STPG2: variants seen among roughly 807,000 people sequenced by gnomAD.
STPG2 encodes sperm tail PG-rich repeat containing 2, also known as sperm-tail PG-rich repeat-containing protein 2.
STPG2 carries 56 observed loss-of-function variants against 54.2 expected under a neutral mutation model. That is an observed-to-expected ratio of 1.03 (90% CI 0.83 to 1.29). The LOEUF is 1.29. Among genes scored for constraint, STPG2 ranks in the 50% most tolerant of loss-of-function variants. STPG2 has a pLI of 0.00. For missense variants in STPG2, 596 were observed against 544.9 expected (o/e 1.09, Z -0.93); for synonymous variants, 200 against 181.8 (o/e 1.10, Z -0.81).
intron 7 of STPG2, among the ~76,000 whole-genome samples, chr4:97,954,013 T>C (rs1733572797): frequency 6.6e-6 from 1 of 152,210 alleles, no homozygotes; most frequent in African/African-American, 2.4e-5. Flanking sequence ...ATATATATGG[T>C]ACTAGAAATT....
At chr4:97,848,445 C>G (rs1197943330) in intron 8 of STPG2, among the ~76,000 whole-genome samples, 3 of 152,052 alleles carry the variant, frequency 2.0e-5, no homozygotes, top group Non-Finnish European at 2.9e-5. Flanking sequence ...TTCCACTATT[C>G]TCTCAAATTA....
chr4:97,937,783 G>A (rs1732801195), intron 8 of STPG2, among the ~76,000 whole-genome samples: 1 of 152,124 alleles, frequency 6.6e-6, no homozygotes, highest in Non-Finnish European at 1.5e-5. Context: ...TGACCTCGAG[G>A]GGCACCAACC....
At chr4:97,981,909 G>A (rs1734692927) in intron 5 of STPG2, among the ~76,000 whole-genome samples, 1 of 147,872 alleles carries the variant, frequency 6.8e-6, no homozygotes, top group African/African-American at 2.5e-5. Context: ...TTTTGAGACG[G>A]AGTCTCGCTC....
intron 8 of STPG2, among the ~76,000 whole-genome samples, chr4:97,869,420 G>T (rs1356981085): frequency 6.6e-6 from 1 of 151,524 alleles, no homozygotes; most frequent in Non-Finnish European, 1.5e-5. Flanking sequence ...ATACAAGAAG[G>T]TAAATATTTT....
intron 9 of STPG2, among the ~76,000 whole-genome samples, chr4:97,833,329 TC>T (rs1728527848): frequency 6.6e-6 from 1 of 152,172 alleles, no homozygotes; most frequent in Non-Finnish European, 1.5e-5. Context: ...CTGGATATCT[TC>T]CTTATACCTT....
intron 4 of STPG2, among the ~76,000 whole-genome samples, chr4:97,527,821 C>A (rs1392251748): frequency 1.3e-5 from 2 of 152,040 alleles, no homozygotes; most frequent in Non-Finnish European, 2.9e-5. Flanking sequence ...CTGTTCATAT[C>A]CTTCGCCCAC....
chr4:97,657,502 T>G (rs549475502), intron 10 of STPG2, among the ~76,000 whole-genome samples: 23 of 152,242 alleles, frequency 1.5e-4, no homozygotes, highest in Middle Eastern at 3.4e-3. Flanking sequence ...TTTAAAATAT[T>G]TAGAAAGAAG....
chr4:97,823,390 G>A (rs1728146307), intron 9 of STPG2, among the ~76,000 whole-genome samples: 1 of 152,116 alleles, frequency 6.6e-6, no homozygotes, highest in Admixed American at 6.5e-5. Context: ...TTGTGCTGTA[G>A]ATATAGAAAA....
At chr4:98,030,660 A>T (rs898266275) in intron 5 of STPG2, among the ~76,000 whole-genome samples, 1 of 152,220 alleles carries the variant, frequency 6.6e-6, no homozygotes, top group Non-Finnish European at 1.5e-5. Flanking sequence ...TAACCAAAAC[A>T]GCATGATACT....
chr4:97,627,037 T>C (rs1184508225), intron 10 of STPG2, among the ~76,000 whole-genome samples: 1 of 152,172 alleles, frequency 6.6e-6, no homozygotes, highest in Non-Finnish European at 1.5e-5. Context: ...CTAATGTTTC[T>C]CACATGCTCT....
downstream of STPG2, among the ~76,000 whole-genome samples, chr4:97,556,608 C>CA (rs921822357): frequency 4.6e-5 from 7 of 151,916 alleles, no homozygotes; most frequent in African/African-American, 9.7e-5. Context: ...GTTCTCTCAA[C>CA]AAAAAAACCC....
At chr4:97,738,873 C>T (rs1392930082) in intron 9 of STPG2, among the ~76,000 whole-genome samples, 2 of 152,166 alleles carry the variant, frequency 1.3e-5, no homozygotes, top group Admixed American at 1.3e-4. Context: ...TAATAGACAT[C>T]TACAGAACTC....
chr4:97,687,125 TA>T (rs894724308), intron 10 of STPG2, among the ~76,000 whole-genome samples: 1 of 151,590 alleles, frequency 6.6e-6, no homozygotes, highest in African/African-American at 2.4e-5. Flanking sequence ...TTTTATTTTT[TA>T]TTTTTAGTAG....
intron 8 of STPG2, among the ~76,000 whole-genome samples, chr4:97,853,824 C>G (rs966176977): frequency 6.6e-6 from 1 of 152,108 alleles, no homozygotes; most frequent in Non-Finnish European, 1.5e-5. Context: ...TTCTCTCACC[C>G]AGGCTGGAGT....
chr4:97,986,148 C>CGATA (rs1230776492), intron 5 of STPG2, among the ~76,000 whole-genome samples: 1 of 152,172 alleles, frequency 6.6e-6, no homozygotes, highest in Non-Finnish European at 1.5e-5. Flanking sequence ...TACTTGCAAT[C>CGATA]TATCTACTTG....
At chr4:97,538,999 T>G (rs907796502) in intron 4 of STPG2, among the ~76,000 whole-genome samples, 7 of 152,106 alleles carry the variant, frequency 4.6e-5, no homozygotes, top group African/African-American at 1.7e-4. Context: ...TGCTGAGAGA[T>G]TTTGTCACCA....
At chr4:97,808,858 C>G (rs1156418630) in intron 9 of STPG2, among the ~76,000 whole-genome samples, 1 of 151,850 alleles carries the variant, frequency 6.6e-6, no homozygotes, top group Non-Finnish European at 1.5e-5. Context: ...CACAGACTCT[C>G]AAGCAAAAAA....
rs1404261656 is a variant in STPG2 at position 98,028,771 on chromosome 4, T to C, written c.613-47453A>G. ...TTTTTTATTTTCTATTTCCTAAGTG[T>C]GAAAGCTGAGTACATTGATTTTACA... On this transcript the variant is annotated intron_variant, in intron 5 of 10. Transcript: ENST00000295268. Among the ~76,000 whole-genome samples the C allele has an allele frequency of 2.0e-5, 3 of 152,144 alleles. No homozygotes were observed. The East Asian group carries it at 5.8e-4, about 29-fold the overall frequency.
chr4:97,728,712 G>A (rs963375960), intron 9 of STPG2, among the ~76,000 whole-genome samples: 1 of 151,962 alleles, frequency 6.6e-6, no homozygotes, highest in African/African-American at 2.4e-5. Flanking sequence ...AGAATGCTCA[G>A]CTGGAGTCAT....
Sources: gnomAD v4.1 joint callset for allele counts (sites outside exome capture counted in the v4.1 genomes callset) on GRCh38, gnomAD v4.1.1 for gene constraint, MANE v1.5 for transcripts, NCBI Gene and HGNC (gene_info 2026-07-23, HGNC 2026-07-21) for gene names.